Variants in TSPAN15 observed in about 807,000 individuals in gnomAD.
TSPAN15 encodes the protein tetraspanin 15.
Under a neutral mutation model 34.5 loss-of-function variants are expected in TSPAN15, and 20 were observed. The observed-to-expected ratio is 0.58, with a 90% CI of 0.41 to 0.84. TSPAN15 has a LOEUF of 0.84. Among genes scored for constraint, TSPAN15 ranks in the 40% least tolerant of loss-of-function variants. TSPAN15 has a pLI of 0.00. For synonymous variants in TSPAN15, 155 were observed against 153.9 expected (o/e 1.01, Z -0.05); for missense variants, 313 against 386.1 (o/e 0.81, Z 1.59).
At chr10:69,545,478 G>C in the TSPAN15 span, among the ~76,000 whole-genome samples, 2 of 152,216 alleles carry the variant, frequency 1.3e-5, no homozygotes, top group African/African-American at 4.8e-5. Flanking sequence ...GGAGGCTGAG[G>C]GGAAGGGCTA....
chr10:69,513,079 A>G, the TSPAN15 span, among the ~76,000 whole-genome samples: 2 of 152,192 alleles, frequency 1.3e-5, no homozygotes, highest in African/African-American at 4.8e-5. Context: ...TGGTTTCCCT[A>G]CATCCTTGCC....
At chr10:69,532,729 A>G in the TSPAN15 span, among the ~76,000 whole-genome samples, 1 of 152,260 alleles carries the variant, frequency 6.6e-6, no homozygotes, top group Non-Finnish European at 1.5e-5. Context: ...AACAGTCAGC[A>G]GAGTAAACAG....
the TSPAN15 span, among the ~76,000 whole-genome samples, chr10:69,535,684 C>T: frequency 6.6e-6 from 1 of 152,248 alleles, no homozygotes; most frequent in South Asian, 2.1e-4. Flanking sequence ...CACCCAACTC[C>T]CTGAGGCTAT....
the TSPAN15 span, among the ~76,000 whole-genome samples, chr10:69,545,190 C>CG: frequency 6.6e-6 from 1 of 152,186 alleles, no homozygotes; most frequent in African/African-American, 2.4e-5. Context: ...CCTTTACCCC[C>CG]GGGAGATTCA....
chr10:69,471,420 G>T (rs1841502657), intron 1 of TSPAN15, among the ~76,000 whole-genome samples: 1 of 152,184 alleles, frequency 6.6e-6, no homozygotes, highest in Non-Finnish European at 1.5e-5. Context: ...TGCTTTCTTG[G>T]CAGCCAGACG....
chr10:69,510,882 T>C (rs574538075), downstream of TSPAN15, among the ~76,000 whole-genome samples: 1 of 152,246 alleles, frequency 6.6e-6, no homozygotes, highest in Non-Finnish European at 1.5e-5. Context: ...TTACGTTTAT[T>C]GATTTTCGTA....
chr10:69,536,444 A>G, the TSPAN15 span, among the ~76,000 whole-genome samples: 2 of 152,204 alleles, frequency 1.3e-5, no homozygotes, highest in South Asian at 4.1e-4. Context: ...TTCATAGTCT[A>G]CTGGGGTAAA....
chr10:69,534,894 A>G, the TSPAN15 span, among the ~76,000 whole-genome samples: 1 of 150,122 alleles, frequency 6.7e-6, no homozygotes, highest in East Asian at 1.9e-4. Context: ...TGAGTGTTAG[A>G]GGATTGCTTG....
chr10:69,464,977 C>G (rs949253804), intron 1 of TSPAN15, among the ~76,000 whole-genome samples: 16 of 152,184 alleles, frequency 1.1e-4, no homozygotes, highest in African/African-American at 3.9e-4. Context: ...CTGGGGGAAC[C>G]CTGTTCATGC....
intron 1 of TSPAN15, among the ~76,000 whole-genome samples, chr10:69,460,655 T>A (rs563000178): frequency 1.3e-5 from 2 of 152,100 alleles, no homozygotes; most frequent in South Asian, 4.2e-4. Context: ...GACCACCACA[T>A]TTTGCTTCAT....
chr10:69,455,310 T>C (rs1263935252), intron 1 of TSPAN15, among the ~76,000 whole-genome samples: 1 of 152,082 alleles, frequency 6.6e-6, no homozygotes, highest in Non-Finnish European at 1.5e-5. Flanking sequence ...GACAAACATA[T>C]GTATATTTAA....
At chr10:69,539,979 C>T in the TSPAN15 span, among the ~76,000 whole-genome samples, 1 of 150,170 alleles carries the variant, frequency 6.7e-6, no homozygotes, top group East Asian at 2.0e-4. Flanking sequence ...TTTTTTGAGA[C>T]AGAGTCTCAC....
chr10:69,466,015 G>C (rs564771553), intron 1 of TSPAN15, among the ~76,000 whole-genome samples: 266 of 152,334 alleles, frequency 1.7e-3, no homozygotes, highest in African/African-American at 5.9e-3. Context: ...GAGGTGGGCC[G>C]GTTGCCACCT....
At chr10:69,542,662 C>T in the TSPAN15 span, among the ~76,000 whole-genome samples, 29 of 152,144 alleles carry the variant, frequency 1.9e-4, no homozygotes, top group East Asian at 1.7e-3. Flanking sequence ...CAAAGGGGGC[C>T]GGTGTGGCAG....
intron 1 of TSPAN15, among the ~76,000 whole-genome samples, chr10:69,461,294 G>C (rs1403176510): frequency 2.0e-5 from 3 of 152,220 alleles, no homozygotes; most frequent in Admixed American, 1.3e-4. Context: ...AAAGGTTACT[G>C]TTGGGTTTTA....
intron 1 of TSPAN15, among the ~76,000 whole-genome samples, chr10:69,483,081 T>C (rs1477114045): frequency 6.6e-6 from 1 of 151,882 alleles, no homozygotes; most frequent in East Asian, 1.9e-4. Context: ...CTCCACCTCC[T>C]GGGTTCACGC....
chr10:69,456,184 C>T (rs1841104098), intron 1 of TSPAN15, among the ~76,000 whole-genome samples: 1 of 151,704 alleles, frequency 6.6e-6, no homozygotes, highest in African/African-American at 2.4e-5. Flanking sequence ...GCCTTCCAGG[C>T]TCAAGCGATT....
At chr10:69,496,497 G>T (rs1842088805) in intron 4 of TSPAN15, among the ~76,000 whole-genome samples, 1 of 152,140 alleles carries the variant, frequency 6.6e-6, no homozygotes, top group Non-Finnish European at 1.5e-5. Flanking sequence ...GTCGTCATGA[G>T]GATTACCTTG....
intron 3 of TSPAN15, chr10:69,494,730 C>G (rs1256516709): frequency 1.0e-6 from 1 of 985,336 alleles, no homozygotes; most frequent in African/African-American, 1.7e-5. Flanking sequence ...TTGTCTGGCT[C>G]TTCAGTCTGG....
Sources: allele counts gnomAD v4.1 joint callset (sites outside exome capture counted in the v4.1 genomes callset), GRCh38; gene constraint gnomAD v4.1.1; transcripts MANE v1.5; gene names NCBI Gene and HGNC (gene_info 2026-07-23, HGNC 2026-07-21).